RARB: variants seen among roughly 807,000 people sequenced by gnomAD.
The protein encoded by RARB is retinoic acid receptor beta.
RARB carries 17 observed loss-of-function variants against 51.9 expected under a neutral mutation model. The ratio of observed to expected loss-of-function variants is 0.33; its 90% CI spans 0.22 to 0.49. The LOEUF is 0.49. RARB is among the 20% of genes least tolerant of loss of function. The pLI is 0.99. For missense variants in RARB, 369 were observed against 550.8 expected, an observed-to-expected ratio of 0.67 and a Z score of 3.30; for synonymous variants, 215 against 195.4, an observed-to-expected ratio of 1.10 and a Z score of -0.84.
rs551237110 is a variant in RARB, at chr3:25,428,363, G to C, written c.-369G>C. ...CCCCATGCGAGCTGTTTGAGGACTG[G>C]GATGCCGAGAACGCGAGCGATCCGA... On this transcript the variant is annotated 5_prime_UTR_variant, in exon 1 of 8. Coordinates refer to ENST00000330688, the MANE Select transcript of RARB (RefSeq NM_000965.5). The C allele has an allele frequency of 2.4e-6, 3 of 1,249,060 alleles. No individual in the cohort carries two copies. The highest frequency in any genetic ancestry group is 3.0e-6 in the Non-Finnish European group (3 of 998,200). The allele number at this position is 1,249,060 out of a possible 1,614,324, so 77.4% of individuals were successfully genotyped here.
chr3:24,958,277 T>G lies in RARB; in HGVS notation c.-380+99525T>G, dbSNP rs985375843. Among the ~76,000 whole-genome samples the G allele has an allele frequency of 3.6e-5, 5 of 140,714 alleles. No individual in the cohort carries two copies. In the South Asian group the frequency reaches 1.2e-3, roughly 34 times the overall value. 92.3% of individuals were successfully genotyped at this position (140,714 alleles called of 152,430 possible). A position where few individuals can be genotyped will look rare whatever the true frequency, so the allele number is the denominator to read the frequency against. On this transcript the variant is annotated intron_variant, in intron 2 of 11. Coordinates refer to the RARB transcript ENST00000383772. ...CAGGTTTTTTTTTTTTTTTTTTTTT[T>G]TTTTTTTTTTTTAGCTGTCATGGAG... is the stretch of plus-strand genomic sequence containing the variant.
At chr3:25,206,880 A>G (rs773463493) in intron 5 of RARB, among the ~76,000 whole-genome samples, 1 of 152,156 alleles carries the variant, frequency 6.6e-6, no homozygotes, top group African/African-American at 2.4e-5. Flanking sequence ...ATCAATTGTT[A>G]GTGCCTCTCC....
At chr3:25,101,901 G>C (rs1324124595) in intron 3 of RARB, among the ~76,000 whole-genome samples, 1 of 151,854 alleles carries the variant, frequency 6.6e-6, no homozygotes, top group Non-Finnish European at 1.5e-5. Context: ...AAAAACTTGT[G>C]TCTCTTTGTT....
rs71622787 is a variant in RARB, at chr3:24,912,972, A to ATTTTTTTTTTT, written c.-380+54222_-380+54223insTTTTTTTTTTT. ...GTGGCAATACGCACACAAGGTACTGATTCTTTTTTTTTTTTTTTTTTTTTT... is the reference window on the plus strand; with the variant it reads ...GTGGCAATACGCACACAAGGTACTGATTTTTTTTTTTTTCTTTTTTTTTTTTTTTTTTTTTT... On this transcript the variant is annotated intron_variant, in intron 2 of 11. Transcript: ENST00000383772. Among the ~76,000 whole-genome samples, 35 of 57,626 alleles carry ATTTTTTTTTTT rather than the reference A, an allele frequency of 6.1e-4. 3 individuals are homozygous for ATTTTTTTTTTT. The highest frequency in any genetic ancestry group is 1.4e-3 in the African/African-American group (25 of 18,370). The allele number at this position is 57,626 out of a possible 152,430, so 37.8% of individuals were successfully genotyped here.
At chr3:25,536,929 T>C (rs1419132547) in intron 3 of RARB, among the ~76,000 whole-genome samples, 1 of 152,204 alleles carries the variant, frequency 6.6e-6, no homozygotes, top group Non-Finnish European at 1.5e-5. Flanking sequence ...ACCCACATTG[T>C]GCTAAACAAG....
intron 5 of RARB, among the ~76,000 whole-genome samples, chr3:25,350,867 T>A (rs1369800949): frequency 6.6e-6 from 1 of 152,232 alleles, no homozygotes; most frequent in Non-Finnish European, 1.5e-5. Context: ...GTCCCCTTGT[T>A]GCATATGGGG....
At chr3:25,141,556 TGTA>T (rs1700107006) in intron 4 of RARB, among the ~76,000 whole-genome samples, 2 of 152,302 alleles carry the variant, frequency 1.3e-5, no homozygotes, top group Admixed American at 1.3e-4. Flanking sequence ...CCATGGGAGA[TGTA>T]GTCATTCAAA....
intron 5 of RARB, among the ~76,000 whole-genome samples, chr3:25,212,398 T>A (rs1701719938): frequency 6.6e-6 from 1 of 152,178 alleles, no homozygotes; most frequent in South Asian, 2.1e-4. Context: ...GGTGGGCAGA[T>A]CACAAGGTCA....
intron 4 of RARB, among the ~76,000 whole-genome samples, chr3:25,136,930 C>T (rs1310007799): frequency 1.3e-5 from 2 of 151,918 alleles, no homozygotes; most frequent in Non-Finnish European, 2.9e-5. Context: ...TATCAACAAC[C>T]GCACAGATTT....
chr3:25,199,163 A>G (rs1480548595), intron 5 of RARB, among the ~76,000 whole-genome samples: 1 of 152,110 alleles, frequency 6.6e-6, no homozygotes, highest in Non-Finnish European at 1.5e-5. Context: ...ATGGAACTGG[A>G]GGACATTATG....
intron 5 of RARB, among the ~76,000 whole-genome samples, chr3:25,176,683 C>T (rs980699299): frequency 7.9e-5 from 12 of 151,926 alleles, no homozygotes; most frequent in South Asian, 2.1e-4. Context: ...CGTGAGCCAC[C>T]GTGCCCGGTC....
intron 3 of RARB, among the ~76,000 whole-genome samples, chr3:25,527,830 C>T (rs771281474): frequency 6.6e-6 from 1 of 152,128 alleles, no homozygotes; most frequent in Non-Finnish European, 1.5e-5. Flanking sequence ...GAAAACAAAA[C>T]AACTCACTCT....
rs112403955 is a variant in RARB, at chr3:25,018,868, A to G, written c.-379-41257A>G. On this transcript the variant is annotated intron_variant, in intron 2 of 11. Transcript: ENST00000383772. ...TGATGGATAAGAAACTTTCGTAAGC[A>G]CCGGCGCTGGAAACACATATTTGAA... Among the ~76,000 whole-genome samples, 1,179 of 152,248 alleles carry G rather than the reference A, an allele frequency of 7.7e-3. 17 individuals are homozygous for G. The highest frequency in any genetic ancestry group is 0.027 in the African/African-American group (1,123 of 41,560).
intron 1 of RARB, among the ~76,000 whole-genome samples, chr3:25,445,392 G>A (rs1371096789): frequency 2.0e-5 from 3 of 152,132 alleles, no homozygotes; most frequent in East Asian, 1.9e-4. Flanking sequence ...CAGTCCGGAC[G>A]CATAGCTCAC....
intron 1 of RARB, among the ~76,000 whole-genome samples, chr3:24,848,470 T>G (rs1466111889): frequency 1.3e-5 from 2 of 152,196 alleles, no homozygotes; most frequent in Non-Finnish European, 2.9e-5. Context: ...AGAGCATTCT[T>G]AAGCCTATTG....
chr3:25,045,263 A>T (rs970894177), intron 2 of RARB, among the ~76,000 whole-genome samples: 2 of 152,214 alleles, frequency 1.3e-5, no homozygotes, highest in African/African-American at 4.8e-5. Flanking sequence ...TTGTGCATTT[A>T]TAGATAGGTC....
intron 5 of RARB, among the ~76,000 whole-genome samples, chr3:25,585,118 G>A (rs115672126): frequency 0.019 from 2,940 of 152,230 alleles, 36 homozygotes; most frequent in Middle Eastern, 0.034. Context: ...TTCCCTCTCT[G>A]AGCCTCAGTT....
At chr3:25,036,509 A>G (rs776582008) in intron 2 of RARB, among the ~76,000 whole-genome samples, 22 of 152,162 alleles carry the variant, frequency 1.4e-4, no homozygotes, top group Non-Finnish European at 2.4e-4. Flanking sequence ...AGCATTATTT[A>G]TTGATGGCCT....
intron 3 of RARB, among the ~76,000 whole-genome samples, chr3:25,088,301 A>G (rs1330671418): frequency 1.3e-5 from 2 of 152,144 alleles, no homozygotes; most frequent in African/African-American, 4.8e-5. Flanking sequence ...TAAACTTTAG[A>G]GTGATATTGA....
Sources: gnomAD v4.1 joint callset for allele counts (sites outside exome capture counted in the v4.1 genomes callset) on GRCh38, gnomAD v4.1.1 for gene constraint, MANE v1.5 for transcripts, NCBI Gene and HGNC (gene_info 2026-07-23, HGNC 2026-07-21) for gene names.